The following DENND4C variants were observed in gnomAD, a reference collection of about 807,000 sequenced individuals.
DENND4C encodes the protein DENN domain-containing protein 4C.
Under a neutral mutation model 203.0 loss-of-function variants are expected in DENND4C, and 108 were observed. That is an observed-to-expected ratio of 0.53 (90% CI 0.46 to 0.62). The LOEUF (loss-of-function observed/expected upper bound fraction) is 0.62. Among genes scored for constraint, DENND4C ranks in the 20% least tolerant of loss-of-function variants. The pLI is 0.00. For synonymous variants in DENND4C, 871 were observed against 792.4 expected (o/e 1.10, Z -1.67); for missense variants, 2,481 against 2,301.2 (o/e 1.08, Z -1.60).
chr9:19,235,972 GT>G (rs1173277804), intron 1 of DENND4C, among the ~76,000 whole-genome samples: 5 of 149,222 alleles, frequency 3.4e-5, no homozygotes, highest in African/African-American at 1.2e-4. Flanking sequence ...CTCGAATTGA[GT>G]TTTTTCTTTG....
In DENND4C at chr9:19,366,741, T is replaced by C. The variant is rs571095097; in HGVS notation, c.5525-3096T>C. ...TAAACCTAAATGTAAGAGCTAAAACTATAAAGCACTTAGAAGAAAACATAG... is the reference window on the plus strand; with the variant it reads ...TAAACCTAAATGTAAGAGCTAAAACCATAAAGCACTTAGAAGAAAACATAG... On this transcript the variant is annotated intron_variant, in intron 30 of 32. Transcript: ENST00000434457. 1.2e-4 allele frequency among the ~76,000 whole-genome samples: 19 copies of C among 152,220 alleles called. 1 individual carries two copies. The highest frequency in any genetic ancestry group is 1.1e-3 in the Admixed American group (17 of 15,280).
At position 19,358,912 on chromosome 9, in the gene DENND4C, T is replaced by A. The variant is rs1386860850; in HGVS notation, c.5160+752T>A. 6.6e-6 allele frequency among the ~76,000 whole-genome samples: 1 copy of A among 151,824 alleles called. No individual in the cohort carries two copies. Among genetic ancestry groups the A allele is most frequent in the African/African-American group, 2.4e-5 (1 of 41,102 alleles). ...TAAGACGATTTCATCAGTGGTGGTA[T>A]GTTCCTCCCAGCAGGAGACATAAAC... is the stretch of plus-strand genomic sequence containing the variant. On this transcript the variant is annotated intron_variant, in intron 28 of 32. Coordinates refer to ENST00000434457, the MANE Select transcript of DENND4C (RefSeq NM_001330640.2). This position sits in a 1 kb window ranked among gnomAD's most constrained non-coding sequence, Gnocchi z 4.8.
intron 1 of DENND4C, among the ~76,000 whole-genome samples, chr9:19,239,632 G>A (rs560450011): frequency 2.0e-5 from 3 of 151,980 alleles, no homozygotes; most frequent in South Asian, 4.2e-4. Flanking sequence ...GATTACAAGC[G>A]CACACCACCA....
Position 19,276,378 on chromosome 9 carries a change from A to C in DENND4C, c.204A>C (p.Pro68=). The part of the protein sequence containing the change: ...PEGYTCVEAT[P]SALQANLNYG... ...GTTACACCTGTGTAGAAGCCACTCC[A>C]TCAGCTCTCCAAGCAAACTTGAACT... The change falls in exon 2 of 33, where the codon CCA becomes CCC. Residue 68 remains proline (P), a synonymous_variant. Coordinates refer to ENST00000434457, the MANE Select transcript of DENND4C (RefSeq NM_001330640.2). 1 of 1,232,094 alleles carries C rather than the reference A, an allele frequency of 8.1e-7. No homozygotes were observed. Among genetic ancestry groups the C allele is most frequent in the Non-Finnish European group, 1.0e-6 (1 of 987,914 alleles). 76.3% of individuals were successfully genotyped at this position (1,232,094 alleles called of 1,614,324 possible).
intron 1 of DENND4C, among the ~76,000 whole-genome samples, chr9:19,273,883 T>C (rs552082898): frequency 6.6e-5 from 10 of 152,184 alleles, no homozygotes; most frequent in African/African-American, 2.4e-4. Flanking sequence ...TATATACACC[T>C]AATCCAGCCA....
intron 1 of DENND4C, among the ~76,000 whole-genome samples, chr9:19,238,654 C>G (rs1313454017): frequency 2.5e-5 from 2 of 80,580 alleles, no homozygotes; most frequent in African/African-American, 9.6e-5. Flanking sequence ...CCTCCCTTCC[C>G]CTGCCCCTTT....
chr9:19,268,192 C>G (rs1007260418), intron 1 of DENND4C, among the ~76,000 whole-genome samples: 3 of 151,914 alleles, frequency 2.0e-5, no homozygotes, highest in Admixed American at 6.6e-5. Flanking sequence ...CTCGACCTCT[C>G]CGGCTTAAGC....
chr9:19,358,198 CACA>C lies in DENND4C; in HGVS notation c.5160+39_5160+41del. 1 of 1,523,156 alleles carries C rather than the reference CACA, an allele frequency of 6.6e-7. No homozygotes were observed. The highest frequency in any genetic ancestry group is 9.1e-7 in the Non-Finnish European group (1 of 1,102,686). 94.4% of individuals were successfully genotyped at this position (1,523,156 alleles called of 1,614,324 possible). ...AACAACATTGTAATTATACTGCATA[CACA>C]CCTAAGTATATAGTAGAACATTATA... On this transcript the variant is annotated intron_variant, in intron 28 of 32. Transcript: ENST00000434457. This position sits in a 1 kb window ranked among gnomAD's most constrained non-coding sequence, Gnocchi z 4.8.
chr9:19,237,785 T>C (rs1822400381), intron 1 of DENND4C, among the ~76,000 whole-genome samples: 1 of 152,186 alleles, frequency 6.6e-6, no homozygotes. Context: ...AAATATAATA[T>C]AAACCAAATA....
At chr9:19,239,758 T>C (rs557881190) in intron 1 of DENND4C, among the ~76,000 whole-genome samples, 4 of 152,196 alleles carry the variant, frequency 2.6e-5, no homozygotes, top group Non-Finnish European at 5.9e-5. Context: ...AGTACTGTGA[T>C]TACAGGCGTG....
intron 15 of DENND4C, among the ~76,000 whole-genome samples, chr9:19,326,779 T>C (rs757702412): frequency 2.9e-4 from 44 of 152,272 alleles, no homozygotes; most frequent in Admixed American, 6.5e-4. Context: ...ATGTATTGCA[T>C]GTATGAGTTC....
intron 12 of DENND4C, among the ~76,000 whole-genome samples, chr9:19,323,817 G>A (rs72700413): frequency 0.069 from 10,470 of 152,190 alleles, 482 homozygotes; most frequent in South Asian, 0.16. Context: ...AGATTTCAGT[G>A]AAGAGTTTGA....
chr9:19,250,150 C>T (rs1378423199), intron 1 of DENND4C, among the ~76,000 whole-genome samples: 1 of 152,102 alleles, frequency 6.6e-6, no homozygotes, highest in East Asian at 1.9e-4. Context: ...CTAGTCTGTT[C>T]TCACATGGCT....
intron 5 of DENND4C, among the ~76,000 whole-genome samples, chr9:19,292,788 CACCTGCCT>C (rs1836643831): frequency 1.3e-5 from 2 of 152,060 alleles, no homozygotes; most frequent in African/African-American, 4.8e-5. Context: ...TCAGGTGATC[CACCTGCCT>C]CAGCCTCCCA....
chr9:19,289,256 C>T (rs956669155), intron 4 of DENND4C, among the ~76,000 whole-genome samples: 1 of 152,172 alleles, frequency 6.6e-6, no homozygotes, highest in Non-Finnish European at 1.5e-5. Flanking sequence ...CGTCTTCATT[C>T]CACTGGTATG....
At chr9:19,310,806 C>T (rs533933608) in intron 10 of DENND4C, among the ~76,000 whole-genome samples, 1 of 151,996 alleles carries the variant, frequency 6.6e-6, no homozygotes, top group Admixed American at 6.5e-5. Context: ...AAAAAAAAAA[C>T]CTTTTTGTTC....
At chr9:19,361,106 C>G (rs1351595385) in intron 29 of DENND4C, among the ~76,000 whole-genome samples, 1 of 152,144 alleles carries the variant, frequency 6.6e-6, no homozygotes, top group Non-Finnish European at 1.5e-5. Flanking sequence ...TAAGGCAATC[C>G]ACCTGCCTCG....
chr9:19,331,635 A>G (rs142544169), intron 16 of DENND4C, among the ~76,000 whole-genome samples: 1 of 152,328 alleles, frequency 6.6e-6, no homozygotes, highest in East Asian at 1.9e-4. Flanking sequence ...AGTGAGAGGA[A>G]TATCACTTTT....
intron 10 of DENND4C, among the ~76,000 whole-genome samples, chr9:19,311,434 G>A (rs1264058866): frequency 6.6e-6 from 1 of 152,062 alleles, no homozygotes; most frequent in Non-Finnish European, 1.5e-5. Flanking sequence ...CCCCCACAAA[G>A]TTTATTTTCT....
Sources: allele counts gnomAD v4.1 joint callset (sites outside exome capture counted in the v4.1 genomes callset), GRCh38; gene constraint gnomAD v4.1.1; non-coding constraint Gnocchi (gnomAD v3.1); transcripts MANE v1.5; gene names NCBI Gene and HGNC (gene_info 2026-07-23, HGNC 2026-07-21).